The following RSRC1 variants were observed in gnomAD, a reference collection of about 807,000 sequenced individuals.
RSRC1 encodes arginine and serine rich coiled-coil 1.
RSRC1 carries 39 observed loss-of-function variants against 49.1 expected under a neutral mutation model. That is an observed-to-expected ratio of 0.79 (90% CI 0.61 to 1.04). The LOEUF is 1.04. Ranked by LOEUF, RSRC1 falls within the 50% of genes least tolerant of loss-of-function variation. The pLI, the probability that RSRC1 is intolerant of heterozygous loss-of-function variation, is 0.00. For synonymous variants in RSRC1, 143 were observed against 130.8 expected (o/e 1.09, Z -0.63); for missense variants, 388 against 402.4 (o/e 0.96, Z 0.31).
chr3:158,190,991 A>T (rs1390799322), intron 3 of RSRC1, among the ~76,000 whole-genome samples: 1 of 151,894 alleles, frequency 6.6e-6, no homozygotes, highest in African/African-American at 2.4e-5. Flanking sequence ...CTCCAATCTT[A>T]GCTTACTGCA....
At chr3:158,461,485 G>A (rs35536868) in intron 7 of RSRC1, among the ~76,000 whole-genome samples, 13,402 of 151,706 alleles carry the variant, frequency 0.088, 730 homozygotes, top group Middle Eastern at 0.15. Flanking sequence ...ACAACATTTA[G>A]GCCATTCCCC....
intron 8 of RSRC1, among the ~76,000 whole-genome samples, chr3:158,537,522 G>A (rs111365921): frequency 0.052 from 7,853 of 151,526 alleles, 292 homozygotes; most frequent in Non-Finnish European, 0.076. Context: ...TTTCAAATGT[G>A]TACATCTACT....
At chr3:158,395,509 G>A (rs1733563575) in intron 6 of RSRC1, among the ~76,000 whole-genome samples, 1 of 152,014 alleles carries the variant, frequency 6.6e-6, no homozygotes, top group Admixed American at 6.6e-5. Flanking sequence ...ATAAAAAAGT[G>A]GGAGAAGGAC....
chr3:158,456,484 A>G (rs1365739895), intron 6 of RSRC1, among the ~76,000 whole-genome samples: 5 of 152,144 alleles, frequency 3.3e-5, no homozygotes, highest in Admixed American at 3.3e-4. Flanking sequence ...CACAACTACT[A>G]TGCGCCCAGC....
At chr3:158,163,511 A>G (rs1487934706) in intron 3 of RSRC1, among the ~76,000 whole-genome samples, 1 of 152,118 alleles carries the variant, frequency 6.6e-6, no homozygotes, top group African/African-American at 2.4e-5. Context: ...TCATAGATCT[A>G]TTTATATTCA....
At chr3:158,307,746 T>G (rs1244940303) in intron 5 of RSRC1, among the ~76,000 whole-genome samples, 1 of 151,902 alleles carries the variant, frequency 6.6e-6, no homozygotes, top group African/African-American at 2.4e-5. Context: ...ATATGTAGAC[T>G]TTCTATATAT....
intron 7 of RSRC1, among the ~76,000 whole-genome samples, chr3:158,525,618 A>C (rs1362004721): frequency 1.3e-5 from 2 of 151,990 alleles, no homozygotes; most frequent in African/African-American, 4.8e-5. Flanking sequence ...ATGTTATAGC[A>C]ACCTTATTCT....
chr3:158,418,513 G>A (rs555809927), intron 6 of RSRC1, among the ~76,000 whole-genome samples: 2 of 151,956 alleles, frequency 1.3e-5, no homozygotes, highest in African/African-American at 2.4e-5. Context: ...ATTCAGGGGT[G>A]GGTTTTTAAA....
chr3:158,398,959 T>C (rs73170379), intron 6 of RSRC1, among the ~76,000 whole-genome samples: 20,517 of 151,890 alleles, frequency 0.14, 1,501 homozygotes, highest in Middle Eastern at 0.2. Context: ...GCTACATATA[T>C]TTATCAATGT....
chr3:158,275,815 A>T, intron 4 of RSRC1: 2 of 490,536 alleles, frequency 4.1e-6, no homozygotes, highest in Non-Finnish European at 7.2e-6. Context: ...TATATTAGTG[A>T]TAACAGTGGA....
intron 4 of RSRC1, among the ~76,000 whole-genome samples, chr3:158,264,388 G>A (rs774602278): frequency 5.3e-5 from 8 of 152,222 alleles, no homozygotes; most frequent in Admixed American, 1.3e-4. Flanking sequence ...AGCATACTTT[G>A]TATAACTCGA....
intron 5 of RSRC1, chr3:158,336,880 C>T (rs1200118951): frequency 6.6e-6 from 1 of 152,268 alleles, no homozygotes; most frequent in African/African-American, 2.4e-5. Flanking sequence ...GGGCTCAGGA[C>T]TTTCCACGTT....
chr3:158,411,153 A>G (rs927668999), intron 6 of RSRC1, among the ~76,000 whole-genome samples: 2 of 152,050 alleles, frequency 1.3e-5, no homozygotes, highest in African/African-American at 4.8e-5. Context: ...ATAATATTTC[A>G]TTTTATGAAC....
intron 6 of RSRC1, among the ~76,000 whole-genome samples, chr3:158,391,432 C>T (rs923440026): frequency 6.6e-6 from 1 of 152,110 alleles, no homozygotes; most frequent in Non-Finnish European, 1.5e-5. Flanking sequence ...AAATGCCTAC[C>T]ACTTGCCAGG....
chr3:158,325,781 T>C (rs1254571349), intron 5 of RSRC1, among the ~76,000 whole-genome samples: 1 of 152,214 alleles, frequency 6.6e-6, no homozygotes, highest in Non-Finnish European at 1.5e-5. Context: ...CATTGGTAGC[T>C]TGATGGGGAT....
At chr3:158,474,508 TA>T (rs1183459803) in intron 7 of RSRC1, among the ~76,000 whole-genome samples, 2 of 152,204 alleles carry the variant, frequency 1.3e-5, no homozygotes. Context: ...GTGGCCATTT[TA>T]AATAAGACAA....
At chr3:158,516,442 C>T (rs1473650242) in intron 7 of RSRC1, among the ~76,000 whole-genome samples, 1 of 152,178 alleles carries the variant, frequency 6.6e-6, no homozygotes, top group Non-Finnish European at 1.5e-5. Context: ...CTTGAGGAGG[C>T]AGTCTGCCTG....
chr3:158,319,757 T>C (rs1416348226), intron 5 of RSRC1, among the ~76,000 whole-genome samples: 1 of 152,236 alleles, frequency 6.6e-6, no homozygotes, highest in African/African-American at 2.4e-5. Context: ...TAAGGTACAC[T>C]ACTAGAATGC....
rs1726325796 is a variant in RSRC1, at chr3:158,283,812, A to T, written c.495-14227A>T. On this transcript the variant is annotated intron_variant, in intron 4 of 9. Coordinates refer to ENST00000611884, the MANE Select transcript of RSRC1 (RefSeq NM_001271838.2). ...AAAACCTGTGTTATTTTCTGCTTCC[A>T]CTGGCAGTGCATGAGGATACCTGAT... is the stretch of plus-strand genomic sequence containing the variant. Among the ~76,000 whole-genome samples, 6 of 151,936 alleles carry T rather than the reference A, an allele frequency of 3.9e-5. No homozygotes were observed. The South Asian group carries it at 1.2e-3, about 32-fold the overall frequency.
Sources: gnomAD v4.1 joint callset for allele counts (sites outside exome capture counted in the v4.1 genomes callset) on GRCh38, gnomAD v4.1.1 for gene constraint, MANE v1.5 for transcripts, NCBI Gene and HGNC (gene_info 2026-07-23, HGNC 2026-07-21) for gene names.